MIDEAS: variants seen among roughly 807,000 people sequenced by gnomAD.
MIDEAS encodes the protein mitotic deacetylase associated SANT domain protein, also known as mitotic deacetylase-associated SANT domain protein.
In MIDEAS, 26 loss-of-function variants were observed where a neutral mutation model predicts 102.7. That is an observed-to-expected ratio of 0.25 (90% CI 0.19 to 0.35). The LOEUF is 0.35. Among genes scored for constraint, MIDEAS ranks in the 10% least tolerant of loss-of-function variants. The pLI is 1.00. For missense variants in MIDEAS, 1,231 were observed against 1,435.6 expected, an observed-to-expected ratio of 0.86 and a Z score of 2.30; for synonymous variants, 585 against 591.0, an observed-to-expected ratio of 0.99 and a Z score of 0.15.
At chr14:73,765,209 G>A (rs1000604471), upstream of MIDEAS, among the ~76,000 whole-genome samples, 9 of 152,230 alleles carry the variant, frequency 5.9e-5, no homozygotes, top group South Asian at 1.7e-3. Flanking sequence ...CCCAATGTGT[G>A]CAACAGGGCA....
rs1182275325 is a variant in MIDEAS, at chr14:73,778,960, T to C, written c.-248+8142A>G. ...CACAGGACAATGGAATCTGTTCACA[T>C]GTTCATTTAACTTATGCAAATTCAA... On this transcript the variant is annotated intron_variant, in intron 1 of 11. Coordinates refer to the MIDEAS transcript ENST00000394071. Among the ~76,000 whole-genome samples the C allele has an allele frequency of 3.3e-5, 5 of 151,922 alleles. 1 individual carries two copies. Among genetic ancestry groups the C allele is most frequent in the African/African-American group, 7.2e-5 (3 of 41,430 alleles).
At chr14:73,773,302 C>T (rs2053658695) in intron 1 of MIDEAS, among the ~76,000 whole-genome samples, 1 of 151,994 alleles carries the variant, frequency 6.6e-6, no homozygotes, top group South Asian at 2.1e-4. Flanking sequence ...AATACGTACC[C>T]TATGACTGGT....
Position 73,740,125 on chromosome 14 carries a change from G to A in MIDEAS, c.-117C>T. 2 of 1,335,778 alleles carry A rather than the reference G, an allele frequency of 1.5e-6. No homozygotes were observed. The highest frequency in any genetic ancestry group is 2.6e-5 in the East Asian group (1 of 37,984). The allele number at this position is 1,335,778 out of a possible 1,614,324, so 82.7% of individuals were successfully genotyped here. On this transcript the variant is annotated 5_prime_UTR_variant, in exon 2 of 13. Transcript: ENST00000423556. ...AGGAGCCAGGGAGGGCAGAGCAGGG[G>A]CAGAGGAAGACGCTGGACAGTGAGG...
chr14:73,739,079 G>A lies in MIDEAS; in HGVS notation c.930C>T (p.Pro310=), dbSNP rs978039958. The change falls in exon 2 of 13, where the codon CCC becomes CCT. Residue 310 remains proline, a synonymous_variant. Transcript: ENST00000423556. ...HLAHHSMAPY[P]FPPNPDMNPE... is the part of the protein sequence containing the mutation. ...GGTTCATATCTGGGTTGGGGGGGAA[G>A]GGGTAGGGTGCCATGCTGTGGTGAG... is the stretch of plus-strand genomic sequence containing the variant. The A allele has an allele frequency of 7.6e-6, 12 of 1,580,710 alleles. No homozygotes were observed. In the East Asian group the frequency reaches 2.7e-4, roughly 36 times the overall value.
Position 73,738,688 on chromosome 14 carries a change from C to A in MIDEAS, c.1321G>T (p.Asp441Tyr). 3 of 1,613,810 alleles carry A rather than the reference C, an allele frequency of 1.9e-6. No individual in the cohort carries two copies. The highest frequency in any genetic ancestry group is 2.5e-6 in the Non-Finnish European group (3 of 1,179,914). Reference sequence around the variant, plus strand: ...CCGCCCCGTAGCACCTGCCCACAGTCCCCTGTGCTCACTGCCCTCATGCCC... The same window carrying A: ...CCGCCCCGTAGCACCTGCCCACAGTACCCTGTGCTCACTGCCCTCATGCCC... ...EEGMRAVSTG[D>Y]CGQVLRGGVI... Residue 441 changes from aspartate to tyrosine, a missense_variant, in exon 2 of 13, where the codon GAC becomes TAC. By Grantham distance (160) the Asp-to-Tyr change is radical (BLOSUM62 -3). This residue lies in a region of MIDEAS where 758 missense variants were observed against 856.0 expected (regional missense o/e 0.89). Coordinates refer to ENST00000423556, the MANE Select transcript of MIDEAS (RefSeq NM_001367710.1).
chr14:73,726,036 T>G lies in MIDEAS; in HGVS notation c.2482A>C (p.Thr828Pro), dbSNP rs527907340. The change falls in exon 8 of 13, where the codon ACA becomes CCA. Residue 828 changes from threonine to proline, a missense_variant. Coordinates refer to ENST00000423556, the MANE Select transcript of MIDEAS (RefSeq NM_001367710.1). The part of the protein sequence containing the change: ...HNHPLATYHY[T>P]GSDQWKMAER... ...TGCCCACCGCAGCCAGGCCCACCTGTGTAGTGATAAGTTGCCAGCGGATGG... is the reference window on the plus strand; with the variant it reads ...TGCCCACCGCAGCCAGGCCCACCTGGGTAGTGATAAGTTGCCAGCGGATGG... 3.8e-6 allele frequency: 6 copies of G among 1,593,752 alleles called. No homozygotes were observed. The highest frequency in any genetic ancestry group is 2.7e-5 in the African/African-American group (2 of 74,870).
At chr14:73,731,767 G>A (rs1373867697) in intron 3 of MIDEAS, among the ~76,000 whole-genome samples, 1 of 152,190 alleles carries the variant, frequency 6.6e-6, no homozygotes, top group African/African-American at 2.4e-5. Context: ...GAGAAGCAGA[G>A]GCACAGGTGA....
chr14:73,783,980 A>C (rs1310338322), intron 1 of MIDEAS, among the ~76,000 whole-genome samples: 1 of 152,168 alleles, frequency 6.6e-6, no homozygotes, highest in Non-Finnish European at 1.5e-5. Flanking sequence ...AAATAGCAAT[A>C]CTGGGCCTGG....
upstream of MIDEAS, among the ~76,000 whole-genome samples, chr14:73,761,678 CA>C (rs894075092): frequency 6.6e-6 from 1 of 151,880 alleles, no homozygotes; most frequent in East Asian, 1.9e-4. Context: ...CCACCTTCTA[CA>C]AAAAAAAGCC....
intron 10 of MIDEAS, among the ~76,000 whole-genome samples, chr14:73,722,020 C>A (rs1342749590): frequency 6.6e-6 from 1 of 152,184 alleles, no homozygotes; most frequent in Non-Finnish European, 1.5e-5. Context: ...CCTTTTAATT[C>A]TCTTTCAATC....
chr14:73,764,969 G>A (rs1318569201), upstream of MIDEAS, among the ~76,000 whole-genome samples: 1 of 152,242 alleles, frequency 6.6e-6, no homozygotes, highest in Non-Finnish European at 1.5e-5. Context: ...GGTGTAGGGA[G>A]AAGGACAAAA....
chr14:73,737,131 G>C lies in MIDEAS; in HGVS notation c.1616C>G (p.Thr539Ser). 1 of 1,613,832 alleles carries C rather than the reference G, an allele frequency of 6.2e-7. No individual in the cohort carries two copies. The highest frequency in any genetic ancestry group is 8.5e-7 in the Non-Finnish European group (1 of 1,179,950). ...VSVPVRTVDP[T>S]EAAQAGGLDE... Reference sequence around the variant, plus strand: ...AAGACCTCCAGCCTGGGCTGCCTCAGTTGGGTCCACAGTTCGCACAGGCAC... The same window carrying C: ...AAGACCTCCAGCCTGGGCTGCCTCACTTGGGTCCACAGTTCGCACAGGCAC... Residue 539 changes from threonine (T) to serine (S), a missense_variant, in exon 3 of 13, where the codon ACT (threonine) becomes AGT (serine). Thr to Ser is a moderately conservative substitution (Grantham distance 58). This residue lies in a region of MIDEAS where 758 missense variants were observed against 856.0 expected (regional missense o/e 0.89). Coordinates refer to ENST00000423556, the MANE Select transcript of MIDEAS (RefSeq NM_001367710.1).
rs1396814987 is a variant in MIDEAS, at chr14:73,759,529, C to T, written c.-248+234G>A. On this transcript the variant is annotated intron_variant, in intron 1 of 12. Transcript: ENST00000423556. The surrounding 1 kb of genome is among the most constrained non-coding windows in gnomAD (Gnocchi z 6.7). ...AGCTGCGGGCCGAGGGCGCGGACCG[C>T]GGGGGAGGGGGCGGCGGGCTGCAGG... Among the ~76,000 whole-genome samples, 8 of 149,320 alleles carry T rather than the reference C, an allele frequency of 5.4e-5. No homozygotes were observed. Among genetic ancestry groups the T allele is most frequent in the Non-Finnish European group, 1.0e-4 (7 of 66,912 alleles).
In MIDEAS at chr14:73,718,698, T is replaced by G; in HGVS notation, c.*145A>C. The G allele has an allele frequency of 1.4e-3, 1,044 of 742,416 alleles. No homozygotes were observed. Among genetic ancestry groups the G allele is most frequent in the East Asian group, 2.9e-3 (73 of 25,060 alleles). 46.0% of individuals were successfully genotyped at this position (742,416 alleles called of 1,614,324 possible). On this transcript the variant is annotated 3_prime_UTR_variant, in exon 13 of 13. Transcript: ENST00000423556. ...GGGCCTTCATAAATAAAAGAGCCGT[T>G]TATGTCATTGTCTCATTTGTTTCGC...
intron 1 of MIDEAS, among the ~76,000 whole-genome samples, chr14:73,749,810 G>GA (rs1239126394): frequency 6.6e-6 from 1 of 152,134 alleles, no homozygotes; most frequent in Admixed American, 6.6e-5. Flanking sequence ...TCTCAGCTCA[G>GA]AAAGGCCCCT....
At chr14:73,734,774 A>C (rs867561678) in intron 3 of MIDEAS, among the ~76,000 whole-genome samples, 2 of 152,292 alleles carry the variant, frequency 1.3e-5, no homozygotes, top group Admixed American at 6.5e-5. Context: ...CCCATCCTTC[A>C]GATAATGGAG....
intron 10 of MIDEAS, 69 bp from the exon 11 acceptor site, chr14:73,721,578 C>T (rs1595250978): frequency 6.8e-7 from 1 of 1,476,882 alleles, no homozygotes; most frequent in East Asian, 2.3e-5. Context: ...AGATTCTGAC[C>T]CGGCCGGGGG....
chr14:73,735,927 C>T (rs1397333163), intron 3 of MIDEAS, among the ~76,000 whole-genome samples: 1 of 151,828 alleles, frequency 6.6e-6, no homozygotes, highest in Non-Finnish European at 1.5e-5. Context: ...GAGGCCAAGG[C>T]GGGCAGGTCA....
At chr14:73,741,125 A>T (rs1044128051) in intron 1 of MIDEAS, among the ~76,000 whole-genome samples, 1 of 152,194 alleles carries the variant, frequency 6.6e-6, no homozygotes, top group Non-Finnish European at 1.5e-5. Context: ...ACTGCCGAAG[A>T]GCCCCTGGCA....
Sources: allele counts gnomAD v4.1 joint callset (sites outside exome capture counted in the v4.1 genomes callset), GRCh38; gene constraint gnomAD v4.1.1; regional missense constraint gnomAD v4.1.1; non-coding constraint Gnocchi (gnomAD v3.1); transcripts MANE v1.5; gene names NCBI Gene and HGNC (gene_info 2026-07-23, HGNC 2026-07-21).